MED16: variants seen among roughly 807,000 people sequenced by gnomAD.
MED16 encodes mediator of RNA polymerase II transcription subunit 16.
Under a neutral mutation model 84.4 loss-of-function variants are expected in MED16, and 81 were observed. The ratio of observed to expected loss-of-function variants is 0.96; its 90% CI spans 0.80 to 1.15. The LOEUF (loss-of-function observed/expected upper bound fraction) is 1.15, where lower values mean the gene tolerates loss of function less well. Among genes scored for constraint, MED16 ranks in the 50% most tolerant of loss-of-function variants. The probability of loss-of-function intolerance (pLI) is 0.00; values close to 1 mark genes in which losing one functional copy is unlikely to be tolerated. For missense variants in MED16, 1,585 were observed against 1,245.9 expected, an observed-to-expected ratio of 1.27 and a Z score of -4.10; for synonymous variants, 897 against 552.2, an observed-to-expected ratio of 1.62 and a Z score of -8.76.
chr19:873,799 C>A (rs2036160902), intron 10 of MED16, among the ~76,000 whole-genome samples: 3 of 152,112 alleles, frequency 2.0e-5, no homozygotes, highest in Admixed American at 2.0e-4. Context: ...GTGCTCAGCA[C>A]CAACCAGCTT....
intron 6 of MED16, among the ~76,000 whole-genome samples, chr19:882,523 C>CAAAAACA (rs996852110): frequency 3.9e-5 from 6 of 152,114 alleles, no homozygotes; most frequent in Admixed American, 6.5e-5. Flanking sequence ...GAGCCTAGCT[C>CAAAAACA]AAAAACAAAA....
At chr19:882,134 G>A (rs916917231) in intron 6 of MED16, among the ~76,000 whole-genome samples, 18 of 152,202 alleles carry the variant, frequency 1.2e-4, no homozygotes, top group Non-Finnish European at 2.4e-4. Flanking sequence ...CCACAGATCC[G>A]CTGCCTGACA....
chr19:892,869 C>A (rs2036666040), intron 1 of MED16: 1 of 130,766 alleles, frequency 7.6e-6, no homozygotes, highest in African/African-American at 2.9e-5. Context: ...CCGCCGCAAA[C>A]CCTGAGCCCC....
rs115650916 is a variant in MED16, at chr19:876,138, T to A, written c.1561-684A>T. Among the ~76,000 whole-genome samples the A allele has an allele frequency of 4.1e-3, 627 of 151,454 alleles. 5 individuals are homozygous for A. The highest frequency in any genetic ancestry group is 0.015 in the African/African-American group (609 of 41,134). ...CGGCAGGCTGTGCCGTGAATGGGAT[T>A]TTTTTTTTCCCATTTTATCTTCGTA... is the stretch of plus-strand genomic sequence containing the variant. On this transcript the variant is annotated intron_variant, in intron 9 of 15. Coordinates refer to ENST00000325464, the MANE Select transcript of MED16 (RefSeq NM_005481.3).
intron 7 of MED16, 144 bp from the exon 8 acceptor site, chr19:880,292 G>GC (rs1196389223): frequency 1.5e-6 from 1 of 664,900 alleles, no homozygotes; most frequent in Non-Finnish European, 2.4e-6. Flanking sequence ...CAGCGCCCGT[G>GC]CCCCCAGCCA....
intron 11 of MED16, 93 bp from the exon 12 acceptor site, chr19:872,211 G>A (rs1437344914): frequency 2.9e-6 from 3 of 1,052,350 alleles, no homozygotes; most frequent in East Asian, 2.6e-5. Flanking sequence ...CCGACCGGGG[G>A]GCAATGGGCA....
intron 4 of MED16, among the ~76,000 whole-genome samples, chr19:886,676 A>G (rs545900546): frequency 1.3e-5 from 2 of 152,372 alleles, no homozygotes; most frequent in South Asian, 4.1e-4. Flanking sequence ...AGTGCTGTGT[A>G]AGCACCAGCG....
At chr19:869,270 G>C (rs915667998) in intron 13 of MED16, among the ~76,000 whole-genome samples, 2 of 152,188 alleles carry the variant, frequency 1.3e-5, no homozygotes, top group South Asian at 2.1e-4. Context: ...CTGAGGTGCA[G>C]GGAAGGTGCT....
intron 2 of MED16, 144 bp from the exon 3 acceptor site, chr19:890,388 G>A: frequency 1.7e-6 from 1 of 584,266 alleles, no homozygotes; most frequent in Non-Finnish European, 3.0e-6. Context: ...CGACAGCTCA[G>A]GGAACAGGCT....
chr19:879,970 T>C lies in MED16; in HGVS notation c.1320A>G (p.Ser440=), dbSNP rs747164980. The C allele has an allele frequency of 1.9e-6, 3 of 1,599,820 alleles. No individual in the cohort carries two copies. Among genetic ancestry groups the C allele is most frequent in the Non-Finnish European group, 1.7e-6 (2 of 1,173,602 alleles). ...GGCTGTCAATCCCCACCAGGGCCAG[T>C]GACGTCCACGATAGCTGCATAGCCT... is the stretch of plus-strand genomic sequence containing the variant. ...HLKAMQLSWT[S]LALVGIDSHG... Residue 440 remains serine, a synonymous_variant, in exon 8 of 16, where the codon TCA becomes TCG. Coordinates refer to ENST00000325464, the MANE Select transcript of MED16 (RefSeq NM_005481.3).
Position 868,906 on chromosome 19 carries a change from G to T in MED16, c.2356C>A (p.His786Asn), listed in dbSNP as rs1178005651. ...QPKIDHLRRL[H>N]LGACPTEECK... ...TCCTCCGTGGGGCAAGCGCCAAGGT[G>T]CAGCCTCCGCAGGTGGTCGATCTTG... is the stretch of plus-strand genomic sequence containing the variant. The change falls in exon 14 of 16, where the codon CAC becomes AAC. Residue 786 changes from histidine (H) to asparagine (N), a missense_variant. Coordinates refer to ENST00000325464, the MANE Select transcript of MED16 (RefSeq NM_005481.3). The T allele has an allele frequency of 6.4e-6, 10 of 1,551,080 alleles. No homozygotes were observed. Among genetic ancestry groups the T allele is most frequent in the Middle Eastern group, 3.5e-4 (2 of 5,786 alleles).
intron 8 of MED16, among the ~76,000 whole-genome samples, chr19:877,966 A>G (rs1169172240): frequency 1.0e-4 from 2 of 19,994 alleles, no homozygotes; most frequent in Non-Finnish European, 1.9e-4. Flanking sequence ...CCCCAGCCCC[A>G]GCCCCAGCCC....
intron 1 of MED16, among the ~76,000 whole-genome samples, chr19:892,123 T>C (rs924341209): frequency 2.6e-5 from 4 of 152,072 alleles, no homozygotes; most frequent in Non-Finnish European, 5.9e-5. Flanking sequence ...TCTAAGCGCC[T>C]GGCATCCAGA....
At chr19:888,327 G>A (rs2036564647) in intron 4 of MED16, among the ~76,000 whole-genome samples, 1 of 151,884 alleles carries the variant, frequency 6.6e-6, no homozygotes, top group African/African-American at 2.4e-5. Context: ...TTCGAGACCA[G>A]CCTGGCCAAC....
rs139550369 is a variant in MED16, at chr19:868,480, G to C, written c.2419C>G (p.Leu807Val). Residue 807 changes from leucine (L) to valine (V), a missense_variant, in exon 15 of 16, where the codon CTC (leucine) becomes GTC (valine). By Grantham distance (32) the Leu-to-Val change is conservative (BLOSUM62 1). Transcript: ENST00000325464. ...ACTRCGCVTMLKSPNRTTAVK... is the reference protein window; with the variant it reads ...ACTRCGCVTMVKSPNRTTAVK... ...GCCGTGGTTCTGTTGGGCGACTTGA[G>C]CATGGTGACACAGCCGCACCTGCGG... The C allele has an allele frequency of 1.9e-6, 3 of 1,610,896 alleles. No individual in the cohort carries two copies. The Admixed American group carries it at 5.0e-5, about 27-fold the overall frequency.
At chr19:868,841 A>G in intron 14 of MED16, 22 bp downstream of exon 14, 1 of 1,543,854 alleles carries the variant, frequency 6.5e-7, no homozygotes. Flanking sequence ...TCTGGGAGTC[A>G]GCGGTTCCGG....
At chr19:878,024 C>A (rs1279283965) in intron 8 of MED16, among the ~76,000 whole-genome samples, 1 of 69,758 alleles carries the variant, frequency 1.4e-5, no homozygotes, top group Non-Finnish European at 3.2e-5. Context: ...CGCCCACCAG[C>A]CCCAGCCCCA....
In MED16 at chr19:868,039, G is replaced by A; in HGVS notation, c.*62C>T. The A allele has an allele frequency of 1.3e-6, 2 of 1,537,306 alleles. No individual in the cohort carries two copies. The highest frequency in any genetic ancestry group is 2.5e-5 in the South Asian group (2 of 80,278). ...AGGTTCAGCGCTCTCCGCGGGTGAG[G>A]CAAGGAAACCGAGGAGACGCCCGAG... On this transcript the variant is annotated 3_prime_UTR_variant, in exon 16 of 16. Transcript: ENST00000325464.
At chr19:892,928 C>A (rs1022718864) in intron 1 of MED16, 158 bp downstream of exon 1, 3 of 143,954 alleles carry the variant, frequency 2.1e-5, no homozygotes, top group African/African-American at 8.1e-5. Flanking sequence ...CCCCGCGCCC[C>A]GCGCCCCGCG....
Sources: gnomAD v4.1 joint callset for allele counts (sites outside exome capture counted in the v4.1 genomes callset) on GRCh38, gnomAD v4.1.1 for gene constraint, MANE v1.5 for transcripts, NCBI Gene and HGNC (gene_info 2026-07-23, HGNC 2026-07-21) for gene names.